Variants in DMD observed in about 807,000 individuals in gnomAD.
DMD encodes mutant dystrophin.
Under a neutral mutation model 330.1 loss-of-function variants are expected in DMD, and 63 were observed. That is an observed-to-expected ratio of 0.19 (90% CI 0.16 to 0.24). The LOEUF is 0.24. DMD is among the 10% of genes least tolerant of loss of function. The pLI, the probability that DMD is intolerant of heterozygous loss-of-function variation, is 1.00. For synonymous variants in DMD, 1,223 were observed against 959.8 expected (o/e 1.27, Z -5.07); for missense variants, 3,344 against 2,684.1 (o/e 1.25, Z -5.43).
At chrX:31,536,231 G>T in intron 55 of DMD, among the ~76,000 whole-genome samples, 1 of 111,452 alleles carries the variant, frequency 9.0e-6, no homozygotes, top group Non-Finnish European at 1.9e-5. Flanking sequence ...ATGCAAGGTT[G>T]CTTAGTGGCC....
chrX:31,556,605 T>C (rs763920421), intron 55 of DMD, among the ~76,000 whole-genome samples: 1 of 109,860 alleles, frequency 9.1e-6, no homozygotes, highest in East Asian at 2.8e-4. Context: ...AAAAAGTCTT[T>C]AAATATATGA....
chrX:32,823,154 G>A (rs1015966633), intron 5 of DMD, 141 bp downstream of exon 5: 12 of 499,056 alleles, frequency 2.4e-5, no homozygotes, highest in Non-Finnish European at 3.9e-5. Context: ...CAGACGACAT[G>A]GTAGTGTCAA....
chrX:32,065,946 TTG>T lies in DMD; in HGVS notation c.6439-97434_6439-97433del, dbSNP rs1464157746. ...TTCTTTCCTCGACAGTGAATCTTCT[TTG>T]TCAGGAAAAAAAATCTCAACAGTCT... On this transcript the variant is annotated intron_variant, in intron 44 of 78. Coordinates refer to ENST00000357033, the MANE Select transcript of DMD (RefSeq NM_004006.3). 2.7e-5 allele frequency among the ~76,000 whole-genome samples: 3 copies of T among 111,211 alleles called. No individual in the cohort carries two copies. In the East Asian group the frequency reaches 8.5e-4, roughly 32 times the overall value.
chrX:32,893,972 C>T (rs1442604390), intron 2 of DMD, among the ~76,000 whole-genome samples: 1 of 110,667 alleles, frequency 9.0e-6, no homozygotes, highest in Non-Finnish European at 1.9e-5. Flanking sequence ...GGTGCCATTC[C>T]AGTGTGTGCC....
At chrX:33,267,885 A>G (rs1216510321) in intron 1 of DMD, among the ~76,000 whole-genome samples, 1 of 112,043 alleles carries the variant, frequency 8.9e-6, no homozygotes, top group Non-Finnish European at 1.9e-5. Context: ...ACCTTTTGCC[A>G]TATACAAAAA....
At chrX:31,181,630 A>G (rs956178187) in intron 68 of DMD, among the ~76,000 whole-genome samples, 2 of 112,216 alleles carry the variant, frequency 1.8e-5, no homozygotes, top group Non-Finnish European at 3.8e-5. Context: ...ACTGTTGTCT[A>G]TCTAGGCTTC....
At chrX:31,762,814 A>C (rs1038082420) in intron 51 of DMD, among the ~76,000 whole-genome samples, 4 of 112,097 alleles carry the variant, frequency 3.6e-5, no homozygotes, top group African/African-American at 1.3e-4. Context: ...AAAATCCTTT[A>C]ATTTCTAAAA....
chrX:32,003,962 G>A (rs2095644339), intron 44 of DMD, among the ~76,000 whole-genome samples: 1 of 111,341 alleles, frequency 9.0e-6, no homozygotes, highest in South Asian at 3.8e-4. Flanking sequence ...AGAAAATAAT[G>A]AGAATGATTT....
chrX:33,078,931 T>C (rs1467271068), intron 1 of DMD, among the ~76,000 whole-genome samples: 3 of 112,276 alleles, frequency 2.7e-5, no homozygotes, highest in African/African-American at 9.7e-5. Flanking sequence ...CATTCACTCT[T>C]CTATTTGAAA....
At chrX:33,205,650 C>T (rs1044345782) in intron 1 of DMD, among the ~76,000 whole-genome samples, 11 of 111,709 alleles carry the variant, frequency 9.8e-5, no homozygotes, top group South Asian at 3.7e-4. Context: ...GAAGGGAGAA[C>T]GCTTTAAAAC....
chrX:31,578,576 T>A (rs973455827), intron 55 of DMD, among the ~76,000 whole-genome samples: 12 of 112,008 alleles, frequency 1.1e-4, no homozygotes, highest in Non-Finnish European at 1.9e-4. Context: ...ACCCCAGGTT[T>A]ATTCCTGACA....
chrX:33,338,460 AAAATAAATAAAT>A lies in DMD; in HGVS notation c.7+787_7+798del, dbSNP rs76681558. ...TGTAAGACAAAACTCATTAAAGGGC[AAAATAAATAAAT>A]AAATAAATAAATAAATAAATAAATG... On this transcript the variant is annotated intron_variant, in intron 1 of 17. Transcript: ENST00000288447. 5.0e-4 allele frequency among the ~76,000 whole-genome samples: 51 copies of A among 102,252 alleles called. 1 individual carries two copies. Among genetic ancestry groups the A allele is most frequent in the African/African-American group, 1.6e-3 (45 of 27,643 alleles). 88.8% of individuals were successfully genotyped at this position (102,252 alleles called of 115,157 possible). A position where few individuals can be genotyped will look rare whatever the true frequency, so the allele number is the denominator to read the frequency against.
chrX:31,444,374 A>G, intron 60 of DMD, 107 bp downstream of exon 60: 1 of 896,657 alleles, frequency 1.1e-6, no homozygotes, highest in Non-Finnish European at 1.6e-6. Flanking sequence ...CCTCACAAAT[A>G]TTACCATGAA....
intron 29 of DMD, chrX:32,412,253 T>C: frequency 1.0e-6 from 1 of 997,265 alleles, no homozygotes; most frequent in Non-Finnish European, 1.3e-6. Flanking sequence ...CTGATCTCAT[T>C]ATATAGTTCA....
rs1404017505 is a variant in DMD, at chrX:32,518,274, A to G, written c.2169-143T>C. 1.4e-4 allele frequency: 82 copies of G among 600,003 alleles called. No homozygotes were observed. In the South Asian group the frequency reaches 2.3e-3, roughly 17 times the overall value. The allele number at this position is 600,003 out of a possible 1,213,427, so 49.4% of individuals were successfully genotyped here. ...CTCTATTAGTATTAATAGCAGCACT[A>G]TTTTCCCTGTTAGGTAGACTCAAAT... On this transcript the variant is annotated intron_variant, in intron 17 of 78. Transcript: ENST00000357033.
intron 1 of DMD, among the ~76,000 whole-genome samples, chrX:33,257,733 C>T (rs1256828824): frequency 1.8e-5 from 2 of 110,752 alleles, no homozygotes; most frequent in Non-Finnish European, 3.8e-5. Context: ...CCATTTTGCA[C>T]AGTTATATTT....
At chrX:31,604,718 T>A (rs781292837) in intron 55 of DMD, among the ~76,000 whole-genome samples, 170 of 111,827 alleles carry the variant, frequency 1.5e-3, no homozygotes, top group Non-Finnish European at 2.6e-3. Flanking sequence ...CTTTAAATAG[T>A]GGGAAATAAT....
intron 4 of DMD, among the ~76,000 whole-genome samples, chrX:32,836,112 A>T (rs910954395): frequency 1.8e-5 from 2 of 109,433 alleles, no homozygotes; most frequent in East Asian, 5.7e-4. Flanking sequence ...TCTCAGTGCA[A>T]CCTCCGCCTC....
At chrX:32,038,968 A>G (rs1236680837) in intron 44 of DMD, among the ~76,000 whole-genome samples, 1 of 111,349 alleles carries the variant, frequency 9.0e-6, no homozygotes, top group Admixed American at 9.6e-5. Flanking sequence ...CTGAATAGAG[A>G]AACTAGGTTA....
Sources: gnomAD v4.1 joint callset for allele counts (sites outside exome capture counted in the v4.1 genomes callset) on GRCh38, gnomAD v4.1.1 for gene constraint, MANE v1.5 for transcripts, NCBI Gene and HGNC (gene_info 2026-07-23, HGNC 2026-07-21) for gene names.